The following GABRB2 variants were observed in gnomAD, a reference collection of about 807,000 sequenced individuals.
GABRB2 encodes the protein gamma-aminobutyric acid receptor subunit beta-2.
A neutral mutation model predicts 54.7 loss-of-function variants in GABRB2; 16 were observed. The ratio of observed to expected loss-of-function variants is 0.29; its 90% CI spans 0.20 to 0.44. GABRB2 has a LOEUF of 0.44. GABRB2 is among the 20% of genes least tolerant of loss of function. The probability of loss-of-function intolerance (pLI) is 1.00; values close to 1 mark genes in which losing one functional copy is unlikely to be tolerated. For synonymous variants in GABRB2, 244 were observed against 233.8 expected, an observed-to-expected ratio of 1.04 and a Z score of -0.40; for missense variants, 355 against 644.0, an observed-to-expected ratio of 0.55 and a Z score of 4.86.
At chr5:161,440,032 CT>C (rs796397392) in intron 4 of GABRB2, among the ~76,000 whole-genome samples, 1 of 136,626 alleles carries the variant, frequency 7.3e-6, no homozygotes, top group South Asian at 2.5e-4. Context: ...TTAAAAAATA[CT>C]ATTTGCAAGC....
At chr5:161,394,298 A>T (rs1755927862) in intron 5 of GABRB2, among the ~76,000 whole-genome samples, 1 of 152,010 alleles carries the variant, frequency 6.6e-6, no homozygotes, top group Non-Finnish European at 1.5e-5. Flanking sequence ...GTATCATCTT[A>T]AAAAAATCTA....
intron 5 of GABRB2, among the ~76,000 whole-genome samples, chr5:161,344,662 A>G (rs78918774): frequency 0.028 from 4,236 of 152,112 alleles, 174 homozygotes; most frequent in East Asian, 0.18. Context: ...CTACAACCAG[A>G]CATACCATTT....
chr5:161,497,348 T>C (rs1442163845), intron 3 of GABRB2, among the ~76,000 whole-genome samples: 2 of 152,080 alleles, frequency 1.3e-5, no homozygotes, highest in Non-Finnish European at 2.9e-5. Context: ...GGTGTGGTGA[T>C]GGACATTAGC....
intron 3 of GABRB2, among the ~76,000 whole-genome samples, chr5:161,479,200 G>C (rs6891827): frequency 0.17 from 25,417 of 152,012 alleles, 2,221 homozygotes; most frequent in Middle Eastern, 0.2. Flanking sequence ...TGACACCAAA[G>C]TGTCTTTGGG....
chr5:161,338,211 C>T (rs1356412332), intron 5 of GABRB2, among the ~76,000 whole-genome samples: 1 of 152,144 alleles, frequency 6.6e-6, no homozygotes, highest in Non-Finnish European at 1.5e-5. Context: ...TAGAAATCTA[C>T]AGTTCCCTTT....
intron 5 of GABRB2, among the ~76,000 whole-genome samples, chr5:161,366,572 C>T (rs1244093008): frequency 1.3e-5 from 2 of 152,140 alleles, no homozygotes; most frequent in Non-Finnish European, 2.9e-5. Context: ...ATACTTTTAG[C>T]ACAAGGTAAG....
intron 4 of GABRB2, among the ~76,000 whole-genome samples, chr5:161,423,441 C>G (rs1756908543): frequency 6.6e-6 from 1 of 152,114 alleles, no homozygotes; most frequent in Non-Finnish European, 1.5e-5. Flanking sequence ...TGCTCACTTC[C>G]TGTCTCTGTG....
At chr5:161,382,762 T>C (rs1242038815) in intron 5 of GABRB2, among the ~76,000 whole-genome samples, 2 of 152,156 alleles carry the variant, frequency 1.3e-5, no homozygotes, top group Non-Finnish European at 2.9e-5. Context: ...ATGGCTCAAT[T>C]CTAAAGCACT....
At chr5:161,505,919 T>C (rs1759591649) in intron 3 of GABRB2, among the ~76,000 whole-genome samples, 2 of 152,186 alleles carry the variant, frequency 1.3e-5, no homozygotes, top group African/African-American at 4.8e-5. Flanking sequence ...TCTACTTCTA[T>C]TCAATATTGC....
intron 5 of GABRB2, among the ~76,000 whole-genome samples, chr5:161,354,254 A>T (rs1488840695): frequency 6.6e-6 from 1 of 152,154 alleles, no homozygotes; most frequent in Non-Finnish European, 1.5e-5. Context: ...CAAGGACCAC[A>T]CCTCTATGCA....
At chr5:161,344,124 C>T (rs984057948) in intron 5 of GABRB2, among the ~76,000 whole-genome samples, 1 of 151,976 alleles carries the variant, frequency 6.6e-6, no homozygotes, top group East Asian at 1.9e-4. Context: ...TGTATCTAGC[C>T]GTATCCAAAG....
chr5:161,416,975 A>T (rs1485876545), intron 4 of GABRB2, among the ~76,000 whole-genome samples: 1 of 152,086 alleles, frequency 6.6e-6, no homozygotes, highest in Non-Finnish European at 1.5e-5. Flanking sequence ...AACTTCAGCT[A>T]GTGGGGGGAA....
chr5:161,471,977 T>A (rs1025056129), intron 3 of GABRB2, among the ~76,000 whole-genome samples: 2 of 151,840 alleles, frequency 1.3e-5, no homozygotes, highest in Non-Finnish European at 2.9e-5. Flanking sequence ...AGTTATATAT[T>A]AGATTAACCA....
intron 3 of GABRB2, among the ~76,000 whole-genome samples, chr5:161,469,063 T>C (rs929726385): frequency 6.6e-6 from 1 of 151,894 alleles, no homozygotes; most frequent in African/African-American, 2.4e-5. Flanking sequence ...GAAACATACA[T>C]ATAGATTGAG....
chr5:161,467,566 G>A (rs1475627038), intron 3 of GABRB2, among the ~76,000 whole-genome samples: 1 of 151,956 alleles, frequency 6.6e-6, no homozygotes, highest in African/African-American at 2.4e-5. Context: ...TATCATTCTG[G>A]GTAGAATGTT....
intron 9 of GABRB2, among the ~76,000 whole-genome samples, chr5:161,309,518 A>T (rs1757796557): frequency 6.6e-6 from 1 of 152,172 alleles, no homozygotes; most frequent in South Asian, 2.1e-4. Context: ...TATATACCCA[A>T]ATGAGTGTAA....
At chr5:161,446,399 T>A (rs1372658626) in intron 4 of GABRB2, among the ~76,000 whole-genome samples, 3 of 152,164 alleles carry the variant, frequency 2.0e-5, no homozygotes, top group Non-Finnish European at 2.9e-5. Flanking sequence ...GTACAGACAT[T>A]CCTAATATTT....
At chr5:161,311,780 T>G (rs1401805722) in intron 9 of GABRB2, among the ~76,000 whole-genome samples, 1 of 152,244 alleles carries the variant, frequency 6.6e-6, no homozygotes, top group Non-Finnish European at 1.5e-5. Flanking sequence ...CTAGACCTAC[T>G]GAATAAGAAT....
intron 5 of GABRB2, among the ~76,000 whole-genome samples, chr5:161,369,500 C>T (rs1224806116): frequency 6.6e-6 from 1 of 150,414 alleles, no homozygotes; most frequent in Non-Finnish European, 1.5e-5. Context: ...AGAACGAATG[C>T]TTTCTCAGAG....
Sources: allele counts gnomAD v4.1 joint callset (sites outside exome capture counted in the v4.1 genomes callset), GRCh38; gene constraint gnomAD v4.1.1; transcripts MANE v1.5; gene names NCBI Gene and HGNC (gene_info 2026-07-23, HGNC 2026-07-21).